CATSPER2: variants seen among roughly 807,000 people sequenced by gnomAD.
CATSPER2 encodes cation channel sperm associated 2, also known as cation channel sperm-associated protein 2.
A neutral mutation model predicts 68.8 loss-of-function variants in CATSPER2; 56 were observed. The ratio of observed to expected loss-of-function variants is 0.81; its 90% CI spans 0.66 to 1.02. The LOEUF (loss-of-function observed/expected upper bound fraction) is 1.02, where lower values mean the gene tolerates loss of function less well. Ranked by LOEUF, CATSPER2 falls within the 50% of genes least tolerant of loss-of-function variation. The pLI, the probability that CATSPER2 is intolerant of heterozygous loss-of-function variation, is 0.00. For synonymous variants in CATSPER2, 198 were observed against 229.9 expected (o/e 0.86, Z 1.26); for missense variants, 582 against 642.0 (o/e 0.91, Z 1.01).
intron 4 of CATSPER2, chr15:43,642,982 T>C (rs1480828802): frequency 6.6e-6 from 1 of 152,040 alleles, no homozygotes. Context: ...TACCCAGGAA[T>C]CTTAGCCAGT....
Position 43,636,178 on chromosome 15 carries a change from G to A in CATSPER2, c.884C>T (p.Thr295Ile). 3 of 1,612,762 alleles carry A rather than the reference G, an allele frequency of 1.9e-6. No homozygotes were observed. Among genetic ancestry groups the A allele is most frequent in the Non-Finnish European group, 2.5e-6 (3 of 1,179,204 alleles). The part of the protein sequence containing the change: ...NSLVTVFILF[T>I]LDHWYALLQD... Reference sequence around the variant, plus strand: ...AAGCAGTGCATACCAATGATCCAAGGTGAAGAGAATGAACACTGTTACCAG... The same window carrying A: ...AAGCAGTGCATACCAATGATCCAAGATGAAGAGAATGAACACTGTTACCAG... Residue 295 changes from threonine to isoleucine, a missense_variant, in exon 8 of 13, where the codon ACC (threonine) becomes ATC (isoleucine). Around this residue, in one of 5 missense-constraint regions of CATSPER2, gnomAD observed 14 missense variants for 33.7 expected, o/e 0.42. Coordinates refer to ENST00000396879, the MANE Select transcript of CATSPER2 (RefSeq NM_172095.4).
In CATSPER2 at chr15:43,640,869, G is replaced by A. The variant is rs943577477; in HGVS notation, c.389-373C>T. Reference sequence around the variant, plus strand: ...TCTCAGTCCCAAAGTTCACAAGAAAGCAATGGGTCTTGAGAACAGAATGAA... The same window carrying A: ...TCTCAGTCCCAAAGTTCACAAGAAAACAATGGGTCTTGAGAACAGAATGAA... On this transcript the variant is annotated intron_variant, in intron 4 of 12. Coordinates refer to ENST00000396879, the MANE Select transcript of CATSPER2 (RefSeq NM_172095.4). Among the ~76,000 whole-genome samples the A allele has an allele frequency of 5.9e-5, 9 of 151,588 alleles. 1 individual carries two copies. The highest frequency in any genetic ancestry group is 2.2e-4 in the African/African-American group (9 of 41,284).
rs1221212951 is a variant in CATSPER2, at chr15:43,643,817, C to G, written c.388+3233G>C. Among the ~76,000 whole-genome samples the G allele has an allele frequency of 2.0e-5, 3 of 151,838 alleles. 1 individual carries two copies. Among genetic ancestry groups the G allele is most frequent in the Non-Finnish European group, 4.4e-5 (3 of 67,958 alleles). ...TTGTAATCTTCAGGAATATGCCCAC[C>G]TTTGGGAAAAAATTGTAATGATATT... On this transcript the variant is annotated intron_variant, in intron 4 of 12. Transcript: ENST00000396879.
At chr15:43,646,800 C>T (rs750276536) in intron 4 of CATSPER2, among the ~76,000 whole-genome samples, 19 of 150,288 alleles carry the variant, frequency 1.3e-4, no homozygotes, top group Admixed American at 7.3e-4. Flanking sequence ...CTGAAACCTA[C>T]GCCTCCTGGG....
rs1273536800 is a variant in CATSPER2, at chr15:43,645,736, C to A, written c.388+1314G>T. On this transcript the variant is annotated intron_variant, in intron 4 of 12. Coordinates refer to ENST00000396879, the MANE Select transcript of CATSPER2 (RefSeq NM_172095.4). ...TGAGCCCTGGAGGTCGAGGCTGCAA[C>A]AAGCCATGATCACACCACTGCACTC... is the stretch of plus-strand genomic sequence containing the variant. 2.6e-5 allele frequency among the ~76,000 whole-genome samples: 4 copies of A among 151,906 alleles called. No homozygotes were observed. In the South Asian group the frequency reaches 6.3e-4, roughly 24 times the overall value.
chr15:43,647,947 C>A lies in CATSPER2; in HGVS notation c.115G>T (p.Val39Leu). 6.2e-7 allele frequency: 1 copy of A among 1,613,690 alleles called. No individual in the cohort carries two copies. The highest frequency in any genetic ancestry group is 8.5e-7 in the Non-Finnish European group (1 of 1,179,788). The change falls in exon 2 of 13, where the codon GTG becomes TTG. Residue 39 changes from valine to leucine, a missense_variant. This residue lies in a region of CATSPER2 where 197 missense variants were observed against 191.0 expected (regional missense o/e 1.03). Transcript: ENST00000396879. ...IEHLQGLSQA[V>L]PRHTIRELLD... ...AACTCCCTGATAGTGTGCCGCGGCA[C>A]AGCTTGGCTCAAGCCTTGCAAATGC...
At chr15:43,646,356 G>A (rs929552379) in intron 4 of CATSPER2, among the ~76,000 whole-genome samples, 15 of 151,124 alleles carry the variant, frequency 9.9e-5, no homozygotes, top group African/African-American at 2.2e-4. Flanking sequence ...GGCTTCCCAC[G>A]ATCAAGCGTC....
Position 43,632,343 on chromosome 15 carries a change from G to A in CATSPER2, c.1417C>T (p.Leu473Phe). ...AGCCCGGGCAGATTTTCGTGCACAA[G>A]AGTCTCCCAGTCCAAACGACCTGCA... The part of the protein sequence containing the change: ...ESIGRLDWET[L>F]VHENLPGLME... The change falls in exon 12 of 13, where the codon CTT (leucine) becomes TTT (phenylalanine). Residue 473 changes from leucine to phenylalanine, a missense_variant. By Grantham distance (22) the Leu-to-Phe change is conservative (BLOSUM62 0). This residue lies in a region of CATSPER2 where 235 missense variants were observed against 264.2 expected (regional missense o/e 0.89). Coordinates refer to ENST00000396879, the MANE Select transcript of CATSPER2 (RefSeq NM_172095.4). The A allele has an allele frequency of 6.2e-7, 1 of 1,613,672 alleles. No homozygotes were observed. Among genetic ancestry groups the A allele is most frequent in the Non-Finnish European group, 8.5e-7 (1 of 1,179,856 alleles).
At position 43,629,977 on chromosome 15, in the gene CATSPER2, G is replaced by A. The variant is rs1252457910; in HGVS notation, c.*724C>T. On this transcript the variant is annotated 3_prime_UTR_variant, in exon 13 of 13. Coordinates refer to ENST00000396879, the MANE Select transcript of CATSPER2 (RefSeq NM_172095.4). ...TTACCTATGCATCAGGGAGGGAGAG[G>A]GTAAAATTAGGACTCTAATCAGGCA... 1 of 151,742 alleles carries A rather than the reference G, an allele frequency of 6.6e-6. No individual in the cohort carries two copies. Among genetic ancestry groups the A allele is most frequent in the Non-Finnish European group, 1.5e-5 (1 of 68,006 alleles). The allele number at this position is 151,742 out of a possible 1,614,324, so 9.4% of individuals were successfully genotyped here.
chr15:43,646,223 A>G (rs948472994), intron 4 of CATSPER2, among the ~76,000 whole-genome samples: 7 of 150,810 alleles, frequency 4.6e-5, no homozygotes, highest in African/African-American at 1.7e-4. Context: ...GCTACATATT[A>G]CACCTAGTTT....
chr15:43,648,440 C>G (rs1024721170), intron 1 of CATSPER2, among the ~76,000 whole-genome samples, 189 bp downstream of exon 1: 2 of 152,012 alleles, frequency 1.3e-5, no homozygotes, highest in African/African-American at 4.8e-5. Context: ...GTGCCTGAGA[C>G]AATCGGGCAA....
chr15:43,632,720 T>C lies in CATSPER2; in HGVS notation c.1393A>G (p.Ile465Val), dbSNP rs1365252061. 1.9e-6 allele frequency: 3 copies of C among 1,613,564 alleles called. No homozygotes were observed. The Admixed American group carries it at 5.0e-5, about 27-fold the overall frequency. ...TTATTATAGTTCTTCGGCTCACCAATAGATTCAGAAAATCTGGATTCAGAA... is the reference window on the plus strand; with the variant it reads ...TTATTATAGTTCTTCGGCTCACCAACAGATTCAGAAAATCTGGATTCAGAA... ...SSSESRFSES[I>V]GRLDWETLVH... Residue 465 changes from isoleucine (I) to valine (V), a missense_variant, in exon 11 of 13, where the codon ATT becomes GTT. Coordinates refer to ENST00000396879, the MANE Select transcript of CATSPER2 (RefSeq NM_172095.4).
rs182191813 is a variant in CATSPER2, at chr15:43,630,541, G to C, written c.*160C>G. The C allele has an allele frequency of 6.7e-7, 1 of 1,487,340 alleles. No homozygotes were observed. Among genetic ancestry groups the C allele is most frequent in the Non-Finnish European group, 9.1e-7 (1 of 1,097,554 alleles). 92.1% of individuals were successfully genotyped at this position (1,487,340 alleles called of 1,614,324 possible). A position where few individuals can be genotyped will look rare whatever the true frequency, so the allele number is the denominator to read the frequency against. ...AGCTAATTTTTTTGTATTTTTAGTA[G>C]AGACAGGGTTTCACCACGCCTGGCC... On this transcript the variant is annotated 3_prime_UTR_variant, in exon 13 of 13. Transcript: ENST00000396879.
At chr15:43,633,019 C>T (rs1029092888) in intron 10 of CATSPER2, 85 bp from the exon 11 acceptor site, 9 of 1,147,756 alleles carry the variant, frequency 7.8e-6, no homozygotes, top group Admixed American at 2.2e-5. Context: ...CTGGCCACCC[C>T]CTAAAGCTGG....
At chr15:43,635,212 CAT>C (rs1352145052) in intron 10 of CATSPER2, 146 bp downstream of exon 10, 1 of 776,632 alleles carries the variant, frequency 1.3e-6, no homozygotes, top group African/African-American at 1.7e-5. Context: ...AAGACATGGA[CAT>C]ATTATTTCGG....
chr15:43,635,784 A>G lies in CATSPER2; in HGVS notation c.1064T>C (p.Met355Thr). Reference protein sequence around the residue: ...QNIRKELNEEMARREVQLKAD... With the variant: ...QNIRKELNEETARREVQLKAD... ...TTTGAGCTGAACCTCCCGACGCGCC[A>G]TCTCCTCATTCAGCTCTTTCCTGAT... The change falls in exon 9 of 13, where the codon ATG becomes ACG. Residue 355 changes from methionine to threonine, a missense_variant. Physicochemically the swap from Met to Thr is moderately conservative, Grantham distance 81. Coordinates refer to ENST00000396879, the MANE Select transcript of CATSPER2 (RefSeq NM_172095.4). 1.2e-6 allele frequency: 2 copies of G among 1,613,582 alleles called. No homozygotes were observed. The highest frequency in any genetic ancestry group is 1.3e-5 in the African/African-American group (1 of 74,948).
chr15:43,632,418 G>A, intron 11 of CATSPER2, 55 bp from the exon 12 acceptor site: 2 of 1,600,768 alleles, frequency 1.2e-6, no homozygotes, highest in East Asian at 4.5e-5. Context: ...AGTTGGGTAA[G>A]AGCTGGTAAA....
intron 7 of CATSPER2, among the ~76,000 whole-genome samples, chr15:43,637,161 C>A (rs2085979664): frequency 6.6e-6 from 1 of 151,790 alleles, no homozygotes; most frequent in Non-Finnish European, 1.5e-5. Context: ...CTATGGACTC[C>A]ACTTAATAGA....
At chr15:43,639,064 A>C in intron 6 of CATSPER2, 36 bp from the exon 7 acceptor site, 1 of 1,608,444 alleles carries the variant, frequency 6.2e-7, no homozygotes, top group South Asian at 1.1e-5. Flanking sequence ...ATGTGGGCCA[A>C]ACTAGGCTGA....
Sources: gnomAD v4.1 joint callset for allele counts (sites outside exome capture counted in the v4.1 genomes callset) on GRCh38, gnomAD v4.1.1 for gene constraint, gnomAD v4.1.1 regional missense constraint, MANE v1.5 for transcripts, NCBI Gene and HGNC (gene_info 2026-07-23, HGNC 2026-07-21) for gene names.